RBFOX1: variants seen among roughly 807,000 people sequenced by gnomAD.
RBFOX1 encodes the protein RNA binding protein fox-1 homolog 1.
A neutral mutation model predicts 57.7 loss-of-function variants in RBFOX1; 8 were observed. The ratio of observed to expected loss-of-function variants is 0.14; its 90% CI spans 0.08 to 0.25. The LOEUF is 0.25. Among genes scored for constraint, RBFOX1 ranks in the 10% least tolerant of loss-of-function variants. RBFOX1 has a pLI of 1.00. For missense variants in RBFOX1, 611 were observed against 548.5 expected, an observed-to-expected ratio of 1.11 and a Z score of -1.14; for synonymous variants, 326 against 222.4, an observed-to-expected ratio of 1.47 and a Z score of -4.15.
intron 4 of RBFOX1, among the ~76,000 whole-genome samples, chr16:7,413,118 G>A (rs1459080832): frequency 2.0e-5 from 3 of 152,190 alleles, no homozygotes; most frequent in East Asian, 1.9e-4. Context: ...TTTTACTTGA[G>A]AAGCAGTGAT....
At chr16:6,367,717 TC>T (rs2089859545) in intron 2 of RBFOX1, among the ~76,000 whole-genome samples, 6 of 150,546 alleles carry the variant, frequency 4.0e-5, no homozygotes, top group Non-Finnish European at 8.9e-5. Flanking sequence ...TTCTATTGTA[TC>T]TTTTGGACAG....
At chr16:6,815,040 G>T (rs1180766001) in intron 3 of RBFOX1, among the ~76,000 whole-genome samples, 1 of 152,140 alleles carries the variant, frequency 6.6e-6, no homozygotes, top group Non-Finnish European at 1.5e-5. Flanking sequence ...AACAAGGGAT[G>T]GATTATTCAT....
intron 5 of RBFOX1, among the ~76,000 whole-genome samples, chr16:7,529,237 A>C (rs543040398): frequency 1.8e-4 from 28 of 152,294 alleles, no homozygotes; most frequent in African/African-American, 6.3e-4. Context: ...CTCCACCCTG[A>C]GTGACAGAAT....
Position 5,738,723 on chromosome 16 carries a change from G to A in RBFOX1, c.319-128580G>A, listed in dbSNP as rs758152445. Among the ~76,000 whole-genome samples, 8 of 152,034 alleles carry A rather than the reference G, an allele frequency of 5.3e-5. No individual in the cohort carries two copies. In the East Asian group the frequency reaches 1.4e-3, roughly 26 times the overall value. ...GTCTGACTGCAGGTTTTCCACTGGG[G>A]CATTTGAATTGGGAGCTGGAGTGGG... On this transcript the variant is annotated intron_variant, in intron 3 of 19. Transcript: ENST00000641259.
At chr16:5,855,763 T>C (rs879291961) in intron 3 of RBFOX1, among the ~76,000 whole-genome samples, 1 of 152,078 alleles carries the variant, frequency 6.6e-6, no homozygotes, top group South Asian at 2.1e-4. Context: ...CTTTGGAATT[T>C]CCTTGGAATT....
intron 4 of RBFOX1, among the ~76,000 whole-genome samples, chr16:7,508,198 A>G (rs1395518695): frequency 6.7e-6 from 1 of 148,466 alleles, no homozygotes; most frequent in East Asian, 2.1e-4. Flanking sequence ...GGTTGGCCTC[A>G]AAGTCCTGAC....
chr16:6,598,152 A>C (rs946509209), intron 2 of RBFOX1, among the ~76,000 whole-genome samples: 3 of 152,254 alleles, frequency 2.0e-5, no homozygotes, highest in African/African-American at 4.8e-5. Context: ...CTTCACACAC[A>C]CATCTGTTTC....
At chr16:5,902,049 G>A (rs971274593) in intron 4 of RBFOX1, among the ~76,000 whole-genome samples, 3 of 152,158 alleles carry the variant, frequency 2.0e-5, no homozygotes, top group Admixed American at 6.5e-5. Context: ...ACGTGGATGG[G>A]GTTCAATGCA....
chr16:6,531,802 G>A (rs1002883768), intron 2 of RBFOX1, among the ~76,000 whole-genome samples: 8 of 152,108 alleles, frequency 5.3e-5, no homozygotes, highest in Admixed American at 1.3e-4. Context: ...CCCAATTTAC[G>A]AAGGAGTGAA....
intron 3 of RBFOX1, among the ~76,000 whole-genome samples, chr16:5,650,754 C>T (rs2049209251): frequency 6.6e-6 from 1 of 152,142 alleles, no homozygotes; most frequent in South Asian, 2.1e-4. Context: ...TCCCTGTCTT[C>T]TCCCACATTT....
At chr16:6,588,649 C>T (rs1428006048) in intron 2 of RBFOX1, among the ~76,000 whole-genome samples, 2 of 152,140 alleles carry the variant, frequency 1.3e-5, no homozygotes, top group East Asian at 3.8e-4. Context: ...GAGACTAAGT[C>T]TGAAAAACAA....
intron 1 of RBFOX1, among the ~76,000 whole-genome samples, chr16:5,363,954 C>A (rs919684815): frequency 2.0e-5 from 3 of 152,198 alleles, no homozygotes; most frequent in African/African-American, 7.2e-5. Context: ...CTCTGCTTTG[C>A]CATCTAGTCA....
intron 2 of RBFOX1, among the ~76,000 whole-genome samples, chr16:6,339,442 G>A (rs887885637): frequency 5.3e-5 from 8 of 152,262 alleles, no homozygotes; most frequent in Non-Finnish European, 7.4e-5. Context: ...TCCATCTCCC[G>A]GAGGAGCTGA....
intron 3 of RBFOX1, among the ~76,000 whole-genome samples, chr16:5,610,985 C>T (rs2047762002): frequency 1.3e-5 from 2 of 152,242 alleles, no homozygotes; most frequent in African/African-American, 2.4e-5. Flanking sequence ...AACTCCTTGA[C>T]ACAGCTTACA....
At chr16:5,791,910 A>G (rs1322389582) in intron 3 of RBFOX1, among the ~76,000 whole-genome samples, 1 of 152,192 alleles carries the variant, frequency 6.6e-6, no homozygotes, top group Non-Finnish European at 1.5e-5. Context: ...AAGAACCAGC[A>G]AGATGACTGA....
intron 1 of RBFOX1, among the ~76,000 whole-genome samples, chr16:6,208,033 CATATATATGTGT>C (rs1221640340): frequency 6.6e-6 from 1 of 151,632 alleles, no homozygotes; most frequent in Non-Finnish European, 1.5e-5. Context: ...TGTGTGTATA[CATATATATGTGT>C]ATATATATGT....
chr16:6,468,140 A>G (rs2095092942), intron 2 of RBFOX1, among the ~76,000 whole-genome samples: 1 of 152,266 alleles, frequency 6.6e-6, no homozygotes, highest in African/African-American at 2.4e-5. Context: ...TTACTGTGCA[A>G]TGTGGGATAG....
chr16:6,093,702 GC>G (rs1440939074), intron 1 of RBFOX1, among the ~76,000 whole-genome samples: 6 of 151,998 alleles, frequency 3.9e-5, no homozygotes, highest in African/African-American at 1.4e-4. Context: ...GCTCCCTGCA[GC>G]CTTAACCTCC....
At chr16:7,193,120 C>T (rs2085837343) in intron 4 of RBFOX1, among the ~76,000 whole-genome samples, 3 of 152,154 alleles carry the variant, frequency 2.0e-5, no homozygotes, top group Admixed American at 6.5e-5. Flanking sequence ...AATCGGTTGG[C>T]CTTGAGATAG....
Sources: allele counts gnomAD v4.1 joint callset (sites outside exome capture counted in the v4.1 genomes callset), GRCh38; gene constraint gnomAD v4.1.1; transcripts MANE v1.5; gene names NCBI Gene and HGNC (gene_info 2026-07-23, HGNC 2026-07-21).